The following TPST1 variants were observed in gnomAD, a reference collection of about 807,000 sequenced individuals.
The protein encoded by TPST1 is protein-tyrosine sulfotransferase 1.
Under a neutral mutation model 34.8 loss-of-function variants are expected in TPST1, and 20 were observed. The observed-to-expected ratio is 0.57, with a 90% CI of 0.40 to 0.84. TPST1 has a LOEUF of 0.84. Among genes scored for constraint, TPST1 ranks in the 40% least tolerant of loss-of-function variants. The pLI, the probability that TPST1 is intolerant of heterozygous loss-of-function variation, is 0.00. For synonymous variants in TPST1, 152 were observed against 159.4 expected, an observed-to-expected ratio of 0.95 and a Z score of 0.35; for missense variants, 353 against 455.5, an observed-to-expected ratio of 0.78 and a Z score of 2.05.
At chr7:66,232,200 AATTTT>A (rs1789812474) in intron 1 of TPST1, among the ~76,000 whole-genome samples, 1 of 127,678 alleles carries the variant, frequency 7.8e-6, no homozygotes, top group Admixed American at 7.8e-5. Flanking sequence ...TATTAAAAAA[AATTTT>A]TTTTTTTTTT....
chr7:66,249,948 G>A (rs1790229206), intron 2 of TPST1, among the ~76,000 whole-genome samples: 1 of 152,200 alleles, frequency 6.6e-6, no homozygotes, highest in African/African-American at 2.4e-5. Context: ...ATGCTTTCAT[G>A]AGACACTTGG....
intron 2 of TPST1, among the ~76,000 whole-genome samples, chr7:66,265,680 G>T (rs1247600675): frequency 6.6e-6 from 1 of 152,174 alleles, no homozygotes; most frequent in African/African-American, 2.4e-5. Context: ...GATAAAACCA[G>T]AGATTCACAG....
In TPST1 at chr7:66,212,144, C is replaced by T. The variant is rs186185431; in HGVS notation, c.-102+6622C>T. Among the ~76,000 whole-genome samples the T allele has an allele frequency of 2.1e-3, 326 of 152,234 alleles. 2 individuals carry two copies. The highest frequency in any genetic ancestry group is 7.7e-3 in the African/African-American group (318 of 41,544). On this transcript the variant is annotated intron_variant, in intron 1 of 5. Transcript: ENST00000304842. ...TATTTAAAATAGACTTTATTTCATA[C>T]GATTAAGGTATATCGATCTTGTATC...
At chr7:66,325,869 C>T (rs1240183397) in intron 3 of TPST1, among the ~76,000 whole-genome samples, 6 of 152,094 alleles carry the variant, frequency 3.9e-5, no homozygotes, top group African/African-American at 4.8e-5. Flanking sequence ...CTCCTGAGCT[C>T]GTGATCTGCC....
rs1792357171 is a variant in TPST1, at chr7:66,346,597, C to T, written c.1045-5908C>T. Reference sequence around the variant, plus strand: ...ATGGTCATGACGTAATATTGAGTACCTTTTCATATACCTGCTTGCCATTTG... The same window carrying T: ...ATGGTCATGACGTAATATTGAGTACTTTTTCATATACCTGCTTGCCATTTG... On this transcript the variant is annotated intron_variant, in intron 3 of 5. Coordinates refer to ENST00000304842, the MANE Select transcript of TPST1 (RefSeq NM_003596.4). Among the ~76,000 whole-genome samples, 4 of 152,094 alleles carry T rather than the reference C, an allele frequency of 2.6e-5. 1 individual carries two copies. Among genetic ancestry groups the T allele is most frequent in the African/African-American group, 9.7e-5 (4 of 41,420 alleles).
chr7:66,248,311 G>T (rs1205413596), intron 2 of TPST1, among the ~76,000 whole-genome samples: 5 of 152,068 alleles, frequency 3.3e-5, no homozygotes, highest in Admixed American at 3.3e-4. Context: ...TGATGTACTT[G>T]GAAGTGAAGT....
intron 3 of TPST1, among the ~76,000 whole-genome samples, chr7:66,301,487 T>A (rs1267334896): frequency 6.6e-6 from 1 of 152,260 alleles, no homozygotes; most frequent in Non-Finnish European, 1.5e-5. Context: ...GCTTTCAGCT[T>A]ATCTTGGCTT....
chr7:66,323,992 A>G (rs534418465), intron 3 of TPST1, among the ~76,000 whole-genome samples: 1 of 152,354 alleles, frequency 6.6e-6, no homozygotes, highest in South Asian at 2.1e-4. Context: ...AACAACCTAA[A>G]TGTCCATCTA....
At chr7:66,231,318 G>A (rs964475011) in intron 1 of TPST1, among the ~76,000 whole-genome samples, 2 of 152,258 alleles carry the variant, frequency 1.3e-5, no homozygotes, top group Non-Finnish European at 2.9e-5. Flanking sequence ...CCGCACCGGG[G>A]CTGCATGTGG....
chr7:66,282,852 C>T (rs575135107), intron 2 of TPST1, among the ~76,000 whole-genome samples: 62 of 152,316 alleles, frequency 4.1e-4, no homozygotes, highest in South Asian at 2.5e-3. Flanking sequence ...TTGGGTTGAA[C>T]GAATGTGTTT....
chr7:66,255,033 G>A lies in TPST1; in HGVS notation c.845+13763G>A, dbSNP rs371920916. Among the ~76,000 whole-genome samples, 72 of 151,504 alleles carry A rather than the reference G, an allele frequency of 4.8e-4. 1 individual carries two copies. The highest frequency in any genetic ancestry group is 1.6e-3 in the African/African-American group (68 of 41,326). On this transcript the variant is annotated intron_variant, in intron 2 of 5. Coordinates refer to ENST00000304842, the MANE Select transcript of TPST1 (RefSeq NM_003596.4). ...GTGGTGGCGGGCGCCTGTAGTCCCA[G>A]CTACTCGGGAGGCTGAGGCAGGAGA...
At chr7:66,327,955 T>A (rs1424663518) in intron 3 of TPST1, among the ~76,000 whole-genome samples, 2 of 151,210 alleles carry the variant, frequency 1.3e-5, no homozygotes, top group Non-Finnish European at 3.0e-5. Context: ...ATACATTTTG[T>A]TTGTCTCTTT....
chr7:66,347,508 G>C (rs1320346464), intron 3 of TPST1, among the ~76,000 whole-genome samples: 1 of 152,158 alleles, frequency 6.6e-6, no homozygotes, highest in East Asian at 1.9e-4. Flanking sequence ...TATGTTTCTG[G>C]GTTATCTGTT....
At chr7:66,202,363 C>G (rs1789042898), upstream of TPST1, among the ~76,000 whole-genome samples, 1 of 152,130 alleles carries the variant, frequency 6.6e-6, no homozygotes, top group African/African-American at 2.4e-5. Flanking sequence ...AGTGAGACAT[C>G]CTGCCGTATG....
intron 3 of TPST1, among the ~76,000 whole-genome samples, chr7:66,326,332 G>A (rs1791866434): frequency 1.3e-5 from 2 of 152,180 alleles, no homozygotes; most frequent in African/African-American, 4.8e-5. Context: ...AGAATGCCCT[G>A]TGAGCTCAGA....
intron 3 of TPST1, among the ~76,000 whole-genome samples, chr7:66,346,615 G>A (rs1390728448): frequency 6.6e-6 from 1 of 152,052 alleles, no homozygotes; most frequent in African/African-American, 2.4e-5. Context: ...ATACCTGCTT[G>A]CCATTTGTAT....
intron 3 of TPST1, among the ~76,000 whole-genome samples, chr7:66,303,029 T>C (rs758402471): frequency 6.6e-6 from 1 of 152,210 alleles, no homozygotes; most frequent in Non-Finnish European, 1.5e-5. Context: ...CTTCTCATCT[T>C]ACAACTTTGT....
At chr7:66,218,867 T>C (rs1584142590) in intron 1 of TPST1, among the ~76,000 whole-genome samples, 1 of 151,316 alleles carries the variant, frequency 6.6e-6, no homozygotes, top group African/African-American at 2.4e-5. Context: ...AAAATTGTTA[T>C]TATAGTGTTT....
chr7:66,219,117 C>T (rs189871530), intron 1 of TPST1, among the ~76,000 whole-genome samples: 157 of 143,092 alleles, frequency 1.1e-3, no homozygotes, highest in Middle Eastern at 3.9e-3. Flanking sequence ...ATGCTGGTCT[C>T]GAACTCCTGA....
Sources: gnomAD v4.1 joint callset for allele counts (sites outside exome capture counted in the v4.1 genomes callset) on GRCh38, gnomAD v4.1.1 for gene constraint, MANE v1.5 for transcripts, NCBI Gene and HGNC (gene_info 2026-07-23, HGNC 2026-07-21) for gene names.